PCDHGA9: variants seen among roughly 807,000 people sequenced by gnomAD.
PCDHGA9 encodes the protein protocadherin gamma-A9.
In PCDHGA9, 37 loss-of-function variants were observed where a neutral mutation model predicts 62.5. That is an observed-to-expected ratio of 0.59 (90% CI 0.46 to 0.78). PCDHGA9 has a LOEUF of 0.78. PCDHGA9 is among the 30% of genes least tolerant of loss of function. PCDHGA9 has a pLI of 0.00. For synonymous variants in PCDHGA9, 459 were observed against 484.6 expected (o/e 0.95, Z 0.69); for missense variants, 1,138 against 1,166.2 (o/e 0.98, Z 0.35).
chr5:141,425,559 G>A (rs1180113940), intron 1 of PCDHGA9, among the ~76,000 whole-genome samples: 2 of 152,176 alleles, frequency 1.3e-5, no homozygotes, highest in East Asian at 3.9e-4. Context: ...TCTTTTATAA[G>A]TGATAAGAAG....
rs562192762 is a variant in PCDHGA9, at chr5:141,485,718, T to C, written c.2425-9089T>C. 1 of 1,614,058 alleles carries C rather than the reference T, an allele frequency of 6.2e-7. No homozygotes were observed. The highest frequency in any genetic ancestry group is 2.2e-5 in the East Asian group (1 of 44,866). On this transcript the variant is annotated intron_variant, in intron 1 of 3. Coordinates refer to ENST00000573521, the MANE Select transcript of PCDHGA9 (RefSeq NM_018921.3). This position sits in a 1 kb window ranked among gnomAD's most constrained non-coding sequence, Gnocchi z 5.7. ...TCCAATGAACACTTTGCACTGGATG[T>C]GAAGAAGCGCAGCGACGGCAGCCTG...
intron 1 of PCDHGA9, chr5:141,414,713 C>T: frequency 6.2e-7 from 1 of 1,614,126 alleles, no homozygotes; most frequent in Admixed American, 1.7e-5. Context: ...TCCATCAACT[C>T]AGACACTGGC....
At position 141,433,069 on chromosome 5, in the gene PCDHGA9, C is replaced by G. The variant is rs561950316; in HGVS notation, c.2424+27693C>G. The G allele has an allele frequency of 3.1e-6, 5 of 1,614,200 alleles. No homozygotes were observed. In the Admixed American group the frequency reaches 8.3e-5, roughly 27 times the overall value. Reference sequence around the variant, plus strand: ...ACTCGCGGAAGAGTCACCTGATCTTCCCCCAGCCCAACTATGCAGACATGC... The same window carrying G: ...ACTCGCGGAAGAGTCACCTGATCTTGCCCCAGCCCAACTATGCAGACATGC... On this transcript the variant is annotated intron_variant, in intron 1 of 3. Coordinates refer to ENST00000573521, the MANE Select transcript of PCDHGA9 (RefSeq NM_018921.3).
At chr5:141,420,228 G>C (rs750839002) in intron 1 of PCDHGA9, 3 of 1,603,310 alleles carry the variant, frequency 1.9e-6, no homozygotes, top group Non-Finnish European at 2.6e-6. Flanking sequence ...CTACTGGCTA[G>C]CATTTTAACT....
At chr5:141,409,030 GAT>G in intron 1 of PCDHGA9, 1 of 1,614,010 alleles carries the variant, frequency 6.2e-7, no homozygotes, top group Non-Finnish European at 8.5e-7. Context: ...TCAATGCTGA[GAT>G]AAACTACTAC....
intron 1 of PCDHGA9, chr5:141,412,017 A>C (rs914087284): frequency 1.4e-5 from 2 of 146,532 alleles, no homozygotes; most frequent in African/African-American, 5.3e-5. Context: ...ACTTCTGAAC[A>C]TCCTGTTCTC....
chr5:141,503,608 A>G (rs1451651299), intron 2 of PCDHGA9, among the ~76,000 whole-genome samples: 3 of 151,994 alleles, frequency 2.0e-5, no homozygotes, highest in South Asian at 2.1e-4. Flanking sequence ...CAAAAAAAAA[A>G]AAAAAAGAAA....
intron 2 of PCDHGA9, among the ~76,000 whole-genome samples, chr5:141,502,866 C>CTTTTTCTT (rs2099816520): frequency 1.6e-5 from 2 of 128,030 alleles, no homozygotes; most frequent in African/African-American, 6.2e-5. Flanking sequence ...GACTCTCTGT[C>CTTTTTCTT]TTTTTTTTTT....
At position 141,431,258 on chromosome 5, in the gene PCDHGA9, C is replaced by G. The variant is rs754250241; in HGVS notation, c.2424+25882C>G. 6.2e-6 allele frequency: 10 copies of G among 1,614,186 alleles called. No individual in the cohort carries two copies. The highest frequency in any genetic ancestry group is 1.6e-4 in the Middle Eastern group (1 of 6,062). ...GGATCCGGATATCGGGAAGAACTCT[C>G]TGCAGAGCTACGAGCTCAGCCCGAA... On this transcript the variant is annotated intron_variant, in intron 1 of 3. Transcript: ENST00000573521. This position sits in a 1 kb window ranked among gnomAD's most constrained non-coding sequence, Gnocchi z 4.8.
intron 1 of PCDHGA9, among the ~76,000 whole-genome samples, chr5:141,475,567 A>G (rs1260546062): frequency 6.6e-6 from 1 of 152,244 alleles, no homozygotes; most frequent in African/African-American, 2.4e-5. Flanking sequence ...CTGTCTTCCA[A>G]CAAGCCAGAT....
rs777314784 is a variant in PCDHGA9, at chr5:141,432,669, C to A, written c.2424+27293C>A. On this transcript the variant is annotated intron_variant, in intron 1 of 3. Transcript: ENST00000573521. The surrounding 1 kb of genome is among the most constrained non-coding windows in gnomAD (Gnocchi z 6.0). ...GCGCGAGCCCTGCTGGACAGAGACG[C>A]GCTCAAGCAGAGCCTCGTAGTGGCC... 1 of 1,613,894 alleles carries A rather than the reference C, an allele frequency of 6.2e-7. No homozygotes were observed. Among genetic ancestry groups the A allele is most frequent in the Non-Finnish European group, 8.5e-7 (1 of 1,179,950 alleles).
chr5:141,404,432 GATACC>G lies in PCDHGA9; in HGVS notation c.1483_1487del (p.Thr495ProfsTer12). On this transcript the variant is annotated frameshift_variant, in exon 1 of 4. Transcript: ENST00000573521. LOFTEE classifies it high-confidence loss of function. ...TAGAGTTATTTACTCCTTGGCAGAGGATACCATCCAAGGGTCTCCTCTCTCCACCT... is the reference window on the plus strand; with the variant it reads ...TAGAGTTATTTACTCCTTGGCAGAGGATCCAAGGGTCTCCTCTCTCCACCT... The G allele has an allele frequency of 6.2e-7, 1 of 1,613,380 alleles. No individual in the cohort carries two copies. Among genetic ancestry groups the G allele is most frequent in the African/African-American group, 1.3e-5 (1 of 75,008 alleles).
In PCDHGA9 at chr5:141,417,886, C is replaced by G. The variant is rs1330007520; in HGVS notation, c.2424+12510C>G. Reference sequence around the variant, plus strand: ...TGGGAGGGAGCTGCGCGCAGAGGCGCCGGGCCGGCCCGCGGCAGGTACTAT... The same window carrying G: ...TGGGAGGGAGCTGCGCGCAGAGGCGGCGGGCCGGCCCGCGGCAGGTACTAT... On this transcript the variant is annotated intron_variant, in intron 1 of 3. Transcript: ENST00000573521. The G allele has an allele frequency of 9.0e-6, 14 of 1,563,624 alleles. No individual in the cohort carries two copies. The African/African-American group carries it at 1.9e-4, about 21-fold the overall frequency.
chr5:141,500,384 T>C (rs956708207), intron 2 of PCDHGA9, among the ~76,000 whole-genome samples: 1 of 151,894 alleles, frequency 6.6e-6, no homozygotes, highest in African/African-American at 2.4e-5. Context: ...AATTATTTTG[T>C]ATTTTTAGTA....
intron 1 of PCDHGA9, chr5:141,433,169 C>T: frequency 6.2e-7 from 1 of 1,613,000 alleles, no homozygotes; most frequent in Non-Finnish European, 8.5e-7. Context: ...TAAAGACAGT[C>T]ATGGGTTAAT....
intron 1 of PCDHGA9, among the ~76,000 whole-genome samples, chr5:141,482,356 G>A (rs1330274684): frequency 6.6e-6 from 1 of 152,118 alleles, no homozygotes; most frequent in Non-Finnish European, 1.5e-5. Flanking sequence ...TGTTGTGAGA[G>A]TGAAAAGTAA....
intron 1 of PCDHGA9, among the ~76,000 whole-genome samples, chr5:141,470,068 G>A (rs1269966360): frequency 6.6e-6 from 1 of 152,240 alleles, no homozygotes; most frequent in East Asian, 1.9e-4. Flanking sequence ...GGCAGAGACT[G>A]TAGTGATCTG....
Position 141,431,412 on chromosome 5 carries a change from GC to G in PCDHGA9, c.2424+26037del. ...CTGGTCCTTACGGCCTCCGACGGGG[GC>G]GACCCGGTGCGCACAGGCACCGCGC... On this transcript the variant is annotated intron_variant, in intron 1 of 3. Coordinates refer to ENST00000573521, the MANE Select transcript of PCDHGA9 (RefSeq NM_018921.3). The surrounding 1 kb of genome is among the most constrained non-coding windows in gnomAD (Gnocchi z 4.8). The G allele has an allele frequency of 6.2e-7, 1 of 1,613,714 alleles. No homozygotes were observed. Among genetic ancestry groups the G allele is most frequent in the Non-Finnish European group, 8.5e-7 (1 of 1,180,050 alleles).
intron 1 of PCDHGA9, among the ~76,000 whole-genome samples, chr5:141,454,538 C>G (rs1229435473): frequency 6.6e-6 from 1 of 152,110 alleles, no homozygotes; most frequent in African/African-American, 2.4e-5. Context: ...TCCCAAGTAG[C>G]TGAGATTACA....
Sources: gnomAD v4.1 joint callset for allele counts (sites outside exome capture counted in the v4.1 genomes callset) on GRCh38, gnomAD v4.1.1 for gene constraint, Gnocchi (gnomAD v3.1) non-coding constraint, MANE v1.5 for transcripts, NCBI Gene and HGNC (gene_info 2026-07-23, HGNC 2026-07-21) for gene names.